Variants in NCKAP5L observed in about 807,000 individuals in gnomAD.
The protein encoded by NCKAP5L is nck-associated protein 5-like.
A neutral mutation model predicts 103.2 loss-of-function variants in NCKAP5L; 54 were observed. The observed-to-expected ratio is 0.52, with a 90% CI of 0.42 to 0.66. The LOEUF (loss-of-function observed/expected upper bound fraction) is 0.66, where lower values mean the gene tolerates loss of function less well. Among genes scored for constraint, NCKAP5L ranks in the 30% least tolerant of loss-of-function variants. NCKAP5L has a pLI of 0.00. For missense variants in NCKAP5L, 1,733 were observed against 1,750.6 expected (o/e 0.99, Z 0.18); for synonymous variants, 762 against 748.6 (o/e 1.02, Z -0.29).
At chr12:49,799,115 C>T (rs530613250) in intron 6 of NCKAP5L, among the ~76,000 whole-genome samples, 2 of 152,244 alleles carry the variant, frequency 1.3e-5, no homozygotes, top group African/African-American at 4.8e-5. Context: ...CAGCGCCCCT[C>T]AAGGCCCCCT....
chr12:49,804,112 G>A (rs370734779), intron 2 of NCKAP5L, 32 bp from the exon 3 acceptor site: 2 of 1,588,374 alleles, frequency 1.3e-6, no homozygotes, highest in Admixed American at 3.4e-5. Flanking sequence ...AAGTGAGAAG[G>A]AGGAGGACAA....
In NCKAP5L at chr12:49,792,294, C is replaced by T; in HGVS notation, c.3792+152G>A. On this transcript the variant is annotated intron_variant, in intron 12 of 12. Coordinates refer to ENST00000335999, the MANE Select transcript of NCKAP5L (RefSeq NM_001037806.4). The surrounding 1 kb of genome is among the most constrained non-coding windows in gnomAD (Gnocchi z 4.5). The stretch of plus-strand genomic sequence containing the variant: ...GTGCAAGGAGGGCAGTGGGGAGGGC[C>T]GCTCACAGGGCATCCCAGGGGTCCT... 5.4e-6 allele frequency: 8 copies of T among 1,468,602 alleles called. No homozygotes were observed. The highest frequency in any genetic ancestry group is 2.0e-5 in the Admixed American group (1 of 50,906). 91.0% of individuals were successfully genotyped at this position (1,468,602 alleles called of 1,614,324 possible).
At position 49,792,417 on chromosome 12, in the gene NCKAP5L, CT is replaced by C. The variant is rs747430359; in HGVS notation, c.3792+28del. ...CATCACTCCCTCCTGCTCCCGAGTC[CT>C]TTCCCTTTCCTCTGCTGCAATTCTC... On this transcript the variant is annotated intron_variant, in intron 12 of 12. Transcript: ENST00000335999. The surrounding 1 kb of genome is among the most constrained non-coding windows in gnomAD (Gnocchi z 4.5). 138 of 1,612,044 alleles carry C rather than the reference CT, an allele frequency of 8.6e-5. No individual in the cohort carries two copies. In the Admixed American group the frequency reaches 2.1e-3, roughly 24 times the overall value.
intron 6 of NCKAP5L, among the ~76,000 whole-genome samples, chr12:49,799,608 C>T (rs1209756791): frequency 1.3e-5 from 2 of 152,170 alleles, no homozygotes; most frequent in East Asian, 3.9e-4. Flanking sequence ...TGAGCTACCG[C>T]GCTCGGCCTC....
At chr12:49,801,136 CA>C (rs1407911713) in intron 6 of NCKAP5L, among the ~76,000 whole-genome samples, 15 of 152,202 alleles carry the variant, frequency 9.9e-5, no homozygotes, top group African/African-American at 3.6e-4. Context: ...CAGTTTGCCT[CA>C]GACAGACACA....
intron 1 of NCKAP5L, among the ~76,000 whole-genome samples, chr12:49,825,497 T>TAAGTATA: frequency 6.6e-6 from 1 of 152,304 alleles, no homozygotes; most frequent in Non-Finnish European, 1.5e-5. Context: ...TTCCTCCTTC[T>TAAGTATA]AACGGGGCCT....
chr12:49,811,784 A>G (rs774588846), intron 1 of NCKAP5L, among the ~76,000 whole-genome samples: 10 of 152,094 alleles, frequency 6.6e-5, no homozygotes, highest in Non-Finnish European at 1.3e-4. Context: ...TCTCTTAAAC[A>G]AACAAAAACA....
At chr12:49,811,700 T>G (rs1946241757) in intron 1 of NCKAP5L, among the ~76,000 whole-genome samples, 1 of 152,016 alleles carries the variant, frequency 6.6e-6, no homozygotes, top group Non-Finnish European at 1.5e-5. Flanking sequence ...CTTGAGGGAC[T>G]CCGAGTCTGC....
At position 49,791,529 on chromosome 12, in the gene NCKAP5L, C is replaced by T. The variant is rs926699537; in HGVS notation, c.*310G>A. The T allele has an allele frequency of 7.9e-6, 2 of 254,484 alleles. No homozygotes were observed. The highest frequency in any genetic ancestry group is 5.2e-5 in the Admixed American group (1 of 19,216). 15.8% of individuals were successfully genotyped at this position (254,484 alleles called of 1,614,324 possible). A position where few individuals can be genotyped will look rare whatever the true frequency, so the allele number is the denominator to read the frequency against. On this transcript the variant is annotated 3_prime_UTR_variant, in exon 13 of 13. Transcript: ENST00000335999. ...CAGGAAGCCCAGCACCACAAGATGG[C>T]TCAGCCTGAAGTAGGGACTGGAGGG... is the stretch of plus-strand genomic sequence containing the variant.
chr12:49,796,827 C>G lies in NCKAP5L; in HGVS notation c.1033G>C (p.Gly345Arg), dbSNP rs773504769. ...TCCCCATTGAGTGGGCCTGCAGCCC[C>G]GGCCAGGAAGGCCTGTAGGTAAGAC... The part of the protein sequence containing the change: ...TESYLQAFLA[G>R]AAGPLNGDHP... The change falls in exon 8 of 13, where the codon GGG becomes CGG. Residue 345 changes from glycine (G) to arginine (R), a missense_variant. Coordinates refer to ENST00000335999, the MANE Select transcript of NCKAP5L (RefSeq NM_001037806.4). The G allele has an allele frequency of 1.1e-5, 18 of 1,613,180 alleles. No homozygotes were observed. Among genetic ancestry groups the G allele is most frequent in the Middle Eastern group, 1.6e-4 (1 of 6,078 alleles).
Position 49,791,447 on chromosome 12 carries a change from C to T in NCKAP5L, c.*392G>A, listed in dbSNP as rs557381458. The T allele has an allele frequency of 3.6e-5, 6 of 167,366 alleles. No homozygotes were observed. The highest frequency in any genetic ancestry group is 1.9e-4 in the South Asian group (1 of 5,208). 10.4% of individuals were successfully genotyped at this position (167,366 alleles called of 1,614,324 possible). A position where few individuals can be genotyped will look rare whatever the true frequency, so the allele number is the denominator to read the frequency against. On this transcript the variant is annotated 3_prime_UTR_variant, in exon 13 of 13. Transcript: ENST00000335999. ...CACGGGGGCCTCCAGGAGGGCCTCG[C>T]GAGGGCTTCGGGGCAGAGGAGCAGC...
Position 49,792,749 on chromosome 12 carries a change from G to A in NCKAP5L, c.3578C>T (p.Pro1193Leu). ...CAGTGCAGGGAAGGCTGGCATGCTG[G>A]GGTGCCGCCCACTCACCAGCAGCTC... is the stretch of plus-strand genomic sequence containing the variant. ...IEELLVSGRH[P>L]SMPAFPALLP... Residue 1193 changes from proline to leucine, a missense_variant, in exon 11 of 13, where the codon CCC (proline) becomes CTC (leucine). By Grantham distance (98) the Pro-to-Leu change is moderately conservative (BLOSUM62 -3). Transcript: ENST00000335999. This position sits in a 1 kb window ranked among gnomAD's most constrained non-coding sequence, Gnocchi z 4.5. The A allele has an allele frequency of 6.2e-7, 1 of 1,609,448 alleles. No homozygotes were observed. Among genetic ancestry groups the A allele is most frequent in the Non-Finnish European group, 8.5e-7 (1 of 1,178,732 alleles).
At position 49,796,734 on chromosome 12, in the gene NCKAP5L, G is replaced by A. The variant is rs1466887460; in HGVS notation, c.1126C>T (p.Leu376Phe). The A allele has an allele frequency of 6.2e-6, 10 of 1,610,698 alleles. No homozygotes were observed. The highest frequency in any genetic ancestry group is 1.1e-5 in the South Asian group (1 of 90,848). The change falls in exon 8 of 13, where the codon CTC becomes TTC. Residue 376 changes from leucine (L) to phenylalanine (F), a missense_variant. Transcript: ENST00000335999. ...CCCCCACCCCAAGCTGACTTGGGGA[G>A]GCCTTTGGACTTAGACAGCTGTGGG... ...APPQLSKSKG[L>F]PKSAWGGGTP...
In NCKAP5L at chr12:49,791,771, G is replaced by T; in HGVS notation, c.*68C>A. ...GGAGGGGTCCCCGTCTCCGGGGGCT[G>T]GGCATGAAGAGAGCCGGTCCAGTCT... is the stretch of plus-strand genomic sequence containing the variant. On this transcript the variant is annotated 3_prime_UTR_variant, in exon 13 of 13. Coordinates refer to ENST00000335999, the MANE Select transcript of NCKAP5L (RefSeq NM_001037806.4). 7.2e-7 allele frequency: 1 copy of T among 1,379,816 alleles called. No homozygotes were observed. Among genetic ancestry groups the T allele is most frequent in the Non-Finnish European group, 9.7e-7 (1 of 1,030,824 alleles). The allele number at this position is 1,379,816 out of a possible 1,614,324, so 85.5% of individuals were successfully genotyped here. A position where few individuals can be genotyped will look rare whatever the true frequency, so the allele number is the denominator to read the frequency against.
Position 49,795,746 on chromosome 12 carries a change from G to A in NCKAP5L, c.2114C>T (p.Ala705Val). 1 of 1,601,244 alleles carries A rather than the reference G, an allele frequency of 6.2e-7. No individual in the cohort carries two copies. The highest frequency in any genetic ancestry group is 8.5e-7 in the Non-Finnish European group (1 of 1,174,202). ...GTGGATGGAGGGCACCATGTCTCCA[G>A]CACTCTCCCCTGACTTCCCAGGTCC... is the stretch of plus-strand genomic sequence containing the variant. ...TRGPGKSGES[A>V]GDMVPSIHRP... The change falls in exon 8 of 13, where the codon GCT becomes GTT. Residue 705 changes from alanine (A) to valine (V), a missense_variant. Physicochemically the swap from Ala to Val is moderately conservative, Grantham distance 64 (BLOSUM62 0). Transcript: ENST00000335999.
rs751342435 is a variant in NCKAP5L at position 49,803,061 on chromosome 12, G to A, written c.192+36C>T. On this transcript the variant is annotated intron_variant, in intron 4 of 12. Transcript: ENST00000335999. ...CCCAGCTTCTGCCAGGAGCAGATGAGCCACATCCCCCCAGTCCCACTACAG... is the reference window on the plus strand; with the variant it reads ...CCCAGCTTCTGCCAGGAGCAGATGAACCACATCCCCCCAGTCCCACTACAG... The A allele has an allele frequency of 1.9e-6, 3 of 1,614,038 alleles. No individual in the cohort carries two copies. The East Asian group carries it at 6.7e-5, about 36-fold the overall frequency.
At chr12:49,801,259 GC>G (rs1946115049) in intron 6 of NCKAP5L, among the ~76,000 whole-genome samples, 1 of 152,170 alleles carries the variant, frequency 6.6e-6, no homozygotes, top group African/African-American at 2.4e-5. Flanking sequence ...CTCACCTCAG[GC>G]ATCTGGAGCT....
intron 1 of NCKAP5L, among the ~76,000 whole-genome samples, chr12:49,827,035 A>C (rs908438114): frequency 1.3e-5 from 2 of 152,200 alleles, no homozygotes; most frequent in African/African-American, 4.8e-5. Flanking sequence ...TTTTAGGAAG[A>C]TGGGGGGACC....
Position 49,792,929 on chromosome 12 carries a change from T to TCTGGGGGTGGGAAGGTCC in NCKAP5L, c.3380_3397dup (p.Gly1127_Pro1132dup). 6.4e-7 allele frequency: 1 copy of TCTGGGGGTGGGAAGGTCC among 1,555,452 alleles called. No individual in the cohort carries two copies. Among genetic ancestry groups the TCTGGGGGTGGGAAGGTCC allele is most frequent in the South Asian group, 1.2e-5 (1 of 83,528 alleles). The stretch of plus-strand genomic sequence containing the variant: ...GCTGGGGGTCCCACTGCTACCATGG[T>TCTGGGGGTGGGAAGGTCC]CTGGGGGTGGGAAGGTCCCAATGCC... On this transcript the variant is annotated inframe_insertion, in exon 11 of 13. Coordinates refer to ENST00000335999, the MANE Select transcript of NCKAP5L (RefSeq NM_001037806.4). The surrounding 1 kb of genome is among the most constrained non-coding windows in gnomAD (Gnocchi z 4.5).
Sources: gnomAD v4.1 joint callset for allele counts (sites outside exome capture counted in the v4.1 genomes callset) on GRCh38, gnomAD v4.1.1 for gene constraint, Gnocchi (gnomAD v3.1) non-coding constraint, MANE v1.5 for transcripts, NCBI Gene and HGNC (gene_info 2026-07-23, HGNC 2026-07-21) for gene names.